The following RASAL2 variants were observed in gnomAD, a reference collection of about 807,000 sequenced individuals.
RASAL2 encodes ras GTPase-activating protein nGAP.
Under a neutral mutation model 128.9 loss-of-function variants are expected in RASAL2, and 58 were observed. The observed-to-expected ratio is 0.45, with a 90% CI of 0.36 to 0.56. The LOEUF is 0.56. RASAL2 is among the 20% of genes least tolerant of loss of function. RASAL2 has a pLI of 0.00. For synonymous variants in RASAL2, 561 were observed against 580.8 expected (o/e 0.97, Z 0.49); for missense variants, 1,360 against 1,601.6 (o/e 0.85, Z 2.57).
chr1:178,311,825 A>C (rs1186106357), intron 3 of RASAL2, among the ~76,000 whole-genome samples: 1 of 152,090 alleles, frequency 6.6e-6, no homozygotes, highest in Non-Finnish European at 1.5e-5. Flanking sequence ...ACATACAAAA[A>C]AAGAAGAAGA....
chr1:178,387,500 A>G (rs760018059), intron 3 of RASAL2, among the ~76,000 whole-genome samples: 1 of 152,034 alleles, frequency 6.6e-6, no homozygotes. Flanking sequence ...CATTAGGTAT[A>G]TCTCCTAATG....
chr1:178,113,352 A>G (rs1252682915), intron 1 of RASAL2, among the ~76,000 whole-genome samples: 2 of 151,590 alleles, frequency 1.3e-5, no homozygotes, highest in Admixed American at 1.3e-4. Flanking sequence ...TCTGTCACCC[A>G]GGCTGGAGCT....
intron 1 of RASAL2, among the ~76,000 whole-genome samples, chr1:178,153,769 GT>G (rs982949052): frequency 5.8e-4 from 87 of 150,100 alleles, no homozygotes; most frequent in South Asian, 2.5e-3. Flanking sequence ...GCAGACACAA[GT>G]TTTTTTTTTC....
Position 178,451,734 on chromosome 1 carries a change from C to CT in RASAL2, c.1772+20dup. ...CTTACTGGTGAGCTTATCTTATCCT[C>CT]TGCCTTACATTTTTTCATGTAAAGG... On this transcript the variant is annotated intron_variant, in intron 10 of 17. Coordinates refer to ENST00000367649, the MANE Select transcript of RASAL2 (RefSeq NM_170692.4). 6.2e-7 allele frequency: 1 copy of CT among 1,606,042 alleles called. No homozygotes were observed. Among genetic ancestry groups the CT allele is most frequent in the Non-Finnish European group, 8.5e-7 (1 of 1,177,086 alleles).
Position 178,452,356 on chromosome 1 carries a change from A to G in RASAL2, c.1773-60A>G, listed in dbSNP as rs941131284. The G allele has an allele frequency of 2.8e-6, 4 of 1,414,244 alleles. No homozygotes were observed. The African/African-American group carries it at 5.7e-5, about 20-fold the overall frequency. 87.6% of individuals were successfully genotyped at this position (1,414,244 alleles called of 1,614,324 possible). On this transcript the variant is annotated intron_variant, in intron 10 of 17. Transcript: ENST00000367649. Reference sequence around the variant, plus strand: ...AAGTATATTGGGTCAGGGTGGAATCACTTGTGCTTGTACTGGTACTTCTGT... The same window carrying G: ...AAGTATATTGGGTCAGGGTGGAATCGCTTGTGCTTGTACTGGTACTTCTGT...
chr1:178,424,131 T>C (rs1272270477), intron 5 of RASAL2, among the ~76,000 whole-genome samples: 1 of 152,174 alleles, frequency 6.6e-6, no homozygotes, highest in Non-Finnish European at 1.5e-5. Flanking sequence ...TTTTCCCTTC[T>C]TCAAAAGGGA....
intron 4 of RASAL2, among the ~76,000 whole-genome samples, chr1:178,396,236 A>C (rs771449016): frequency 1.4e-4 from 22 of 152,128 alleles, no homozygotes; most frequent in African/African-American, 5.3e-4. Context: ...GGAGATTCCA[A>C]CTTACCCTAA....
At chr1:178,166,747 T>C (rs931543875) in intron 1 of RASAL2, among the ~76,000 whole-genome samples, 4 of 152,028 alleles carry the variant, frequency 2.6e-5, no homozygotes, top group Admixed American at 2.6e-4. Context: ...ATTAGGAGTA[T>C]TTTTTCGTGT....
intron 4 of RASAL2, chr1:178,411,626 A>G: frequency 1.3e-6 from 1 of 767,298 alleles, no homozygotes; most frequent in Admixed American, 1.7e-5. Context: ...AGGTGGCTGA[A>G]GGAGAGAAAT....
chr1:178,322,542 A>C (rs983789253), intron 3 of RASAL2, among the ~76,000 whole-genome samples: 6 of 152,098 alleles, frequency 3.9e-5, no homozygotes, highest in African/African-American at 1.4e-4. Context: ...TTCCCTCCCC[A>C]ACAACCTGTT....
In RASAL2 at chr1:178,443,137, T is replaced by G; in HGVS notation, c.1390T>G (p.Cys464Gly). The G allele has an allele frequency of 6.2e-7, 1 of 1,613,832 alleles. No individual in the cohort carries two copies. Among genetic ancestry groups the G allele is most frequent in the Non-Finnish European group, 8.5e-7 (1 of 1,179,766 alleles). Residue 464 changes from cysteine to glycine, a missense_variant, in exon 8 of 18, where the codon TGT (cysteine) becomes GGT (glycine). This residue lies in a region of RASAL2 where 617 missense variants were observed against 714.2 expected (regional missense o/e 0.86). Transcript: ENST00000367649. ...EFVTSNYTML[C>G]SVLEPVISVR... ...TGTCACCAGCAACTACACCATGCTGTGTTCTGTCCTTGAGCCAGTAATTAG... is the reference window on the plus strand; with the variant it reads ...TGTCACCAGCAACTACACCATGCTGGGTTCTGTCCTTGAGCCAGTAATTAG...
intron 1 of RASAL2, among the ~76,000 whole-genome samples, chr1:178,198,636 C>T (rs1662756983): frequency 1.3e-5 from 2 of 152,150 alleles, no homozygotes; most frequent in Non-Finnish European, 2.9e-5. Flanking sequence ...GGCTACAGAA[C>T]AGCAAATATT....
At chr1:178,176,518 C>T (rs1661898057) in intron 1 of RASAL2, among the ~76,000 whole-genome samples, 1 of 151,846 alleles carries the variant, frequency 6.6e-6, no homozygotes. Context: ...TTTCACCGAG[C>T]TTAGACGCAG....
chr1:178,106,021 C>A (rs547683052), intron 1 of RASAL2, among the ~76,000 whole-genome samples: 1 of 152,204 alleles, frequency 6.6e-6, no homozygotes, highest in African/African-American at 2.4e-5. Flanking sequence ...AGTTTTAAAG[C>A]ATTTTACTAA....
chr1:178,397,997 T>C (rs1673358347), intron 4 of RASAL2, among the ~76,000 whole-genome samples: 1 of 152,012 alleles, frequency 6.6e-6, no homozygotes, highest in South Asian at 2.1e-4. Flanking sequence ...AACACCAGGC[T>C]TAGGAGACTT....
At chr1:178,450,455 C>T (rs1677298706) in intron 9 of RASAL2, among the ~76,000 whole-genome samples, 1 of 152,124 alleles carries the variant, frequency 6.6e-6, no homozygotes, top group South Asian at 2.1e-4. Flanking sequence ...CACATTGTTT[C>T]CTGTTCTCTA....
At chr1:178,458,893 C>G (rs1677976930) in intron 14 of RASAL2, among the ~76,000 whole-genome samples, 1 of 152,182 alleles carries the variant, frequency 6.6e-6, no homozygotes, top group South Asian at 2.1e-4. Context: ...TTTTGGAAAT[C>G]TGAAAATTAA....
chr1:178,125,777 C>T (rs1402668863), intron 1 of RASAL2, among the ~76,000 whole-genome samples: 1 of 151,970 alleles, frequency 6.6e-6, no homozygotes, highest in East Asian at 1.9e-4. Context: ...GATATATAAT[C>T]CTACATTTTA....
chr1:178,470,236 T>G (rs540072102), intron 17 of RASAL2, among the ~76,000 whole-genome samples: 1 of 152,180 alleles, frequency 6.6e-6, no homozygotes, highest in Admixed American at 6.5e-5. Context: ...GTGACTCTTA[T>G]GTCAACACTT....
Sources: allele counts gnomAD v4.1 joint callset (sites outside exome capture counted in the v4.1 genomes callset), GRCh38; gene constraint gnomAD v4.1.1; regional missense constraint gnomAD v4.1.1; transcripts MANE v1.5; gene names NCBI Gene and HGNC (gene_info 2026-07-23, HGNC 2026-07-21).